RBFOX1: variants seen among roughly 807,000 people sequenced by gnomAD.
RBFOX1 encodes the protein RNA binding fox-1 homolog 1, also known as RNA binding protein fox-1 homolog 1.
RBFOX1 carries 8 observed loss-of-function variants against 57.7 expected under a neutral mutation model. That is an observed-to-expected ratio of 0.14 (90% confidence interval 0.08 to 0.25). The LOEUF (loss-of-function observed/expected upper bound fraction) is 0.25. RBFOX1 is among the 10% of genes least tolerant of loss of function. RBFOX1 has a pLI of 1.00. For missense variants in RBFOX1, 611 were observed against 548.5 expected, an observed-to-expected ratio of 1.11 and a Z score of -1.14; for synonymous variants, 326 against 222.4, an observed-to-expected ratio of 1.47 and a Z score of -4.15.
intron 14 of RBFOX1, among the ~76,000 whole-genome samples, chr16:7,677,090 A>C (rs574603035): frequency 7.0e-6 from 1 of 143,284 alleles, no homozygotes; most frequent in African/African-American, 2.5e-5. Context: ...AGTTTTTCAC[A>C]TCTCTTAATT....
chr16:6,288,916 A>G (rs549252650), intron 1 of RBFOX1, among the ~76,000 whole-genome samples: 5 of 152,248 alleles, frequency 3.3e-5, no homozygotes, highest in African/African-American at 7.2e-5. Flanking sequence ...TCTCAAGGCA[A>G]TGCTTCTCAT....
chr16:5,598,864 TC>T, intron 2 of RBFOX1: 1 of 1,443,794 alleles, frequency 6.9e-7, no homozygotes, highest in Non-Finnish European at 9.1e-7. Flanking sequence ...CAACCCGGCT[TC>T]CCCAACCTTT....
intron 4 of RBFOX1, among the ~76,000 whole-genome samples, chr16:7,079,714 T>C (rs1354204414): frequency 6.6e-6 from 1 of 152,146 alleles, no homozygotes; most frequent in African/African-American, 2.4e-5. Context: ...TTGAGGGTGC[T>C]TGAGATGTTT....
intron 4 of RBFOX1, among the ~76,000 whole-genome samples, chr16:5,892,003 G>C (rs985981268): frequency 2.0e-5 from 3 of 152,216 alleles, no homozygotes; most frequent in African/African-American, 4.8e-5. Flanking sequence ...CGGGGAGAGG[G>C]TGAAGTCATT....
intron 4 of RBFOX1, among the ~76,000 whole-genome samples, chr16:7,293,931 G>C (rs1374947463): frequency 2.6e-5 from 4 of 152,132 alleles, no homozygotes; most frequent in Admixed American, 2.6e-4. Flanking sequence ...GATTAATTCA[G>C]AGCTGGAGAT....
intron 3 of RBFOX1, among the ~76,000 whole-genome samples, chr16:6,938,184 C>A (rs1343705265): frequency 6.6e-6 from 1 of 152,142 alleles, no homozygotes; most frequent in East Asian, 1.9e-4. Context: ...GATTTACTTT[C>A]CTAGTGTAGA....
In RBFOX1 at chr16:5,315,704, A is replaced by C. The variant is rs537857948; in HGVS notation, c.219+75599A>C. Among the ~76,000 whole-genome samples the C allele has an allele frequency of 3.3e-5, 5 of 152,324 alleles. No homozygotes were observed. In the South Asian group the frequency reaches 1.0e-3, roughly 32 times the overall value. ...TGCTTTGCTGGTGAGTGCTGTGCGT[A>C]AGAGCACCAGGAAGGTCATTATGGG... On this transcript the variant is annotated intron_variant, in intron 1 of 2. Transcript: ENST00000585867.
At chr16:7,294,962 A>C (rs2095862096) in intron 4 of RBFOX1, among the ~76,000 whole-genome samples, 1 of 152,192 alleles carries the variant, frequency 6.6e-6, no homozygotes, top group South Asian at 2.1e-4. Context: ...CTTCTTATGT[A>C]AATTGGAACT....
chr16:6,778,553 A>G (rs915723886), intron 3 of RBFOX1, among the ~76,000 whole-genome samples: 13 of 152,106 alleles, frequency 8.5e-5, no homozygotes, highest in African/African-American at 3.1e-4. Context: ...AGATTTTCCC[A>G]GTTATCTTAC....
chr16:7,413,486 C>T lies in RBFOX1; in HGVS notation c.28-104661C>T, dbSNP rs529949048. Among the ~76,000 whole-genome samples the T allele has an allele frequency of 8.5e-4, 129 of 152,242 alleles. 1 individual carries two copies. The Middle Eastern group carries it at 0.01, about 12-fold the overall frequency. On this transcript the variant is annotated intron_variant, in intron 4 of 15. Transcript: ENST00000550418. ...CTCACAAGATCCAAGGTGAGGTCAACACTACCAGCCTGGGGACCACACTTT... is the reference window on the plus strand; with the variant it reads ...CTCACAAGATCCAAGGTGAGGTCAATACTACCAGCCTGGGGACCACACTTT...
chr16:7,444,118 TA>T (rs2098790951), intron 4 of RBFOX1, among the ~76,000 whole-genome samples: 2 of 152,348 alleles, frequency 1.3e-5, no homozygotes, highest in South Asian at 4.1e-4. Context: ...GTTATTATAC[TA>T]AACCAACGTT....
At chr16:6,624,084 AC>A (rs1226688184) in intron 2 of RBFOX1, among the ~76,000 whole-genome samples, 1 of 152,160 alleles carries the variant, frequency 6.6e-6, no homozygotes. Flanking sequence ...GGTCCATTTC[AC>A]AACTACGTAC....
At position 7,301,653 on chromosome 16, in the gene RBFOX1, A is replaced by G. The variant is rs532634313; in HGVS notation, c.28-216494A>G. Among the ~76,000 whole-genome samples the G allele has an allele frequency of 6.1e-4, 93 of 152,260 alleles. 1 individual carries two copies. Among genetic ancestry groups the G allele is most frequent in the African/African-American group, 2.1e-3 (87 of 41,550 alleles). On this transcript the variant is annotated intron_variant, in intron 4 of 15. Coordinates refer to ENST00000550418, the MANE Select transcript of RBFOX1 (RefSeq NM_018723.4). ...ATAAAGTCTTATTAAAGTGCCATGTATTATGTATCATGTTTCTTATGAAAA... is the reference window on the plus strand; with the variant it reads ...ATAAAGTCTTATTAAAGTGCCATGTGTTATGTATCATGTTTCTTATGAAAA...
At chr16:6,645,538 C>A (rs1210922944) in intron 2 of RBFOX1, among the ~76,000 whole-genome samples, 1 of 152,122 alleles carries the variant, frequency 6.6e-6, no homozygotes, top group African/African-American at 2.4e-5. Context: ...TCAAAAACAA[C>A]CAACACACCA....
chr16:5,867,649 G>A (rs147760434), intron 4 of RBFOX1, among the ~76,000 whole-genome samples: 3 of 152,258 alleles, frequency 2.0e-5, no homozygotes, highest in Admixed American at 1.3e-4. Flanking sequence ...TCCACTGTCT[G>A]TATTATATAG....
intron 3 of RBFOX1, among the ~76,000 whole-genome samples, chr16:6,941,304 T>TCCC (rs1567990692): frequency 7.8e-4 from 23 of 29,616 alleles, no homozygotes; most frequent in Non-Finnish European, 1.3e-3. Flanking sequence ...CCCTCCCTCC[T>TCCC]TCCTTCCTTC....
intron 4 of RBFOX1, among the ~76,000 whole-genome samples, chr16:7,146,604 C>T (rs778530130): frequency 1.3e-5 from 2 of 152,044 alleles, no homozygotes; most frequent in East Asian, 1.9e-4. Context: ...CTTATGATAC[C>T]CAGCATATTC....
intron 3 of RBFOX1, among the ~76,000 whole-genome samples, chr16:6,664,835 G>A (rs1603256029): frequency 6.6e-6 from 1 of 152,142 alleles, no homozygotes; most frequent in African/African-American, 2.4e-5. Context: ...GCAGTCAAAC[G>A]GATCTGGAGT....
chr16:6,335,300 C>T (rs2083490820), intron 2 of RBFOX1, among the ~76,000 whole-genome samples: 1 of 152,076 alleles, frequency 6.6e-6, no homozygotes, highest in Non-Finnish European at 1.5e-5. Context: ...GCGCGTCAGG[C>T]CCCAGGTGGT....
Sources: gnomAD v4.1 joint callset for allele counts (sites outside exome capture counted in the v4.1 genomes callset) on GRCh38, gnomAD v4.1.1 for gene constraint, MANE v1.5 for transcripts, NCBI Gene and HGNC (gene_info 2026-07-23, HGNC 2026-07-21) for gene names.